Variants in ASS1 observed in about 807,000 individuals in gnomAD.
ASS1 encodes argininosuccinate synthase.
ASS1 carries 58 observed loss-of-function variants against 60.5 expected under a neutral mutation model. The ratio of observed to expected loss-of-function variants is 0.96; its 90% CI spans 0.78 to 1.19. ASS1 has a LOEUF of 1.19. Among genes scored for constraint, ASS1 ranks in the 50% most tolerant of loss-of-function variants. The pLI is 0.00. For missense variants in ASS1, 454 were observed against 547.3 expected (o/e 0.83, Z 1.70); for synonymous variants, 200 against 206.9 (o/e 0.97, Z 0.29).
intron 6 of ASS1, among the ~76,000 whole-genome samples, chr9:130,467,570 C>A (rs369996627): frequency 6.6e-6 from 1 of 152,236 alleles, no homozygotes; most frequent in Admixed American, 6.5e-5. Flanking sequence ...CGCAGCCCTG[C>A]CCCCGCCGCC....
Position 130,477,033 on chromosome 9 carries a change from G to C in ASS1, c.688+72G>C, listed in dbSNP as rs1462445924. On this transcript the variant is annotated intron_variant, in intron 9 of 14. Coordinates refer to ENST00000352480, the MANE Select transcript of ASS1 (RefSeq NM_054012.4). This position sits in a 1 kb window ranked among gnomAD's most constrained non-coding sequence, Gnocchi z 4.2. The stretch of plus-strand genomic sequence containing the variant: ...CCTGGCTCCTTTCCCCTCCCTGCCT[G>C]GGAACCTAGGCCCTCTTTACCCCCG... 6.8e-7 allele frequency: 1 copy of C among 1,471,668 alleles called. No homozygotes were observed. The highest frequency in any genetic ancestry group is 9.5e-7 in the Non-Finnish European group (1 of 1,052,866). 91.2% of individuals were successfully genotyped at this position (1,471,668 alleles called of 1,614,324 possible).
chr9:130,498,961 T>C (rs1846670733), intron 13 of ASS1, among the ~76,000 whole-genome samples: 1 of 152,110 alleles, frequency 6.6e-6, no homozygotes. Flanking sequence ...GTGCCCAGGT[T>C]TCAGGATGGA....
chr9:130,499,641 G>A lies in ASS1; in HGVS notation c.1193+71G>A, dbSNP rs1205784870. On this transcript the variant is annotated intron_variant, in intron 14 of 14. Coordinates refer to ENST00000352480, the MANE Select transcript of ASS1 (RefSeq NM_054012.4). ...AAAGGGTAGGCTTTGAGAGCCCCCA[G>A]GTGTAAAGGGTAGGCTTTGATGCGA... 4 of 1,476,324 alleles carry A rather than the reference G, an allele frequency of 2.7e-6. No homozygotes were observed. The East Asian group carries it at 9.2e-5, about 34-fold the overall frequency. The allele number at this position is 1,476,324 out of a possible 1,614,324, so 91.5% of individuals were successfully genotyped here.
At chr9:130,460,148 G>A (rs1254722326) in intron 4 of ASS1, among the ~76,000 whole-genome samples, 6 of 152,232 alleles carry the variant, frequency 3.9e-5, no homozygotes, top group Non-Finnish European at 4.4e-5. Flanking sequence ...GGGTGCTGAT[G>A]GTGGGAAGTC....
In ASS1 at chr9:130,481,984, G is replaced by A. The variant is rs565802715; in HGVS notation, c.838+1535G>A. ...TCGCAGCCTGCCCTTGGGAGCCAGC[G>A]CGGTGTGCACCCTCCAGGGAGAGCT... On this transcript the variant is annotated intron_variant, in intron 11 of 14. Transcript: ENST00000352480. Among the ~76,000 whole-genome samples, 29 of 152,284 alleles carry A rather than the reference G, an allele frequency of 1.9e-4. No individual in the cohort carries two copies. In the South Asian group the frequency reaches 3.7e-3, roughly 20 times the overall value.
chr9:130,468,671 A>C (rs1305000102), intron 6 of ASS1, among the ~76,000 whole-genome samples: 3 of 152,258 alleles, frequency 2.0e-5, no homozygotes, highest in African/African-American at 7.2e-5. Flanking sequence ...AACTCAAGTA[A>C]TCCACCCTCC....
rs1845519950 is a variant in ASS1 at position 130,459,004 on chromosome 9, AG to A, written c.363+418del. ...GCTGGCTTGCCGTGTGTCCTCAGCCAGGGCCCTTCTCCCCTTCCTGAACCTC... is the reference window on the plus strand; with the variant it reads ...GCTGGCTTGCCGTGTGTCCTCAGCCAGGCCCTTCTCCCCTTCCTGAACCTC... On this transcript the variant is annotated intron_variant, in intron 4 of 14. Transcript: ENST00000352480. This position sits in a 1 kb window ranked among gnomAD's most constrained non-coding sequence, Gnocchi z 4.6. Among the ~76,000 whole-genome samples the A allele has an allele frequency of 6.6e-6, 1 of 152,254 alleles. No homozygotes were observed. The highest frequency in any genetic ancestry group is 1.5e-5 in the Non-Finnish European group (1 of 68,038).
chr9:130,464,232 G>T lies in ASS1; in HGVS notation c.420+65G>T, dbSNP rs993412131. On this transcript the variant is annotated intron_variant, in intron 5 of 14. Coordinates refer to ENST00000352480, the MANE Select transcript of ASS1 (RefSeq NM_054012.4). ...TCTGCAGCACCTGATGGGGAGGAGG[G>T]CACAGGGTTCTGGGAGATTCCACAG... The T allele has an allele frequency of 3.2e-6, 5 of 1,564,836 alleles. No homozygotes were observed. The African/African-American group carries it at 6.8e-5, about 21-fold the overall frequency.
chr9:130,452,262 A>AGTG lies in ASS1; in HGVS notation c.36_38dup (p.Gly14dup). 1 of 1,614,168 alleles carries AGTG rather than the reference A, an allele frequency of 6.2e-7. No homozygotes were observed. Among genetic ancestry groups the AGTG allele is most frequent in the Non-Finnish European group, 8.5e-7 (1 of 1,180,010 alleles). ...CAAAGGCTCCGTGGTTCTGGCCTAC[A>AGTG]GTGGCGGCCTGGACACCTCGTGCAT... On this transcript the variant is annotated inframe_insertion, in exon 2 of 15. Transcript: ENST00000352480.
At chr9:130,448,043 C>A (rs993774299) in intron 1 of ASS1, among the ~76,000 whole-genome samples, 10 of 151,798 alleles carry the variant, frequency 6.6e-5, no homozygotes, top group Non-Finnish European at 1.0e-4. Flanking sequence ...CTGTCCTGTG[C>A]CTGGAGTGAG....
chr9:130,467,425 A>C (rs1363709451), intron 6 of ASS1, among the ~76,000 whole-genome samples: 1 of 152,140 alleles, frequency 6.6e-6, no homozygotes, highest in African/African-American at 2.4e-5. Flanking sequence ...AAACAGCCTC[A>C]ATCAATCAGG....
intron 4 of ASS1, among the ~76,000 whole-genome samples, chr9:130,463,211 C>T (rs1235475633): frequency 2.0e-5 from 3 of 152,384 alleles, no homozygotes; most frequent in South Asian, 2.1e-4. Context: ...GTCATTTCCA[C>T]AGCGCTTAAG....
chr9:130,448,418 G>GCA (rs1228997812), intron 1 of ASS1, among the ~76,000 whole-genome samples: 17 of 56,674 alleles, frequency 3.0e-4, no homozygotes, highest in African/African-American at 9.2e-4. Flanking sequence ...AGGTGTGTGC[G>GCA]CGCGCACACA....
At position 130,452,271 on chromosome 9, in the gene ASS1, C is replaced by G. The variant is rs1845345480; in HGVS notation, c.43C>G (p.Leu15Val). ...GSVVLAYSGGLDTSCILVWLK... is the reference protein window; with the variant it reads ...GSVVLAYSGGVDTSCILVWLK... ...CGTGGTTCTGGCCTACAGTGGCGGC[C>G]TGGACACCTCGTGCATCCTCGTGTG... Residue 15 changes from leucine to valine, a missense_variant, in exon 2 of 15, where the codon CTG (leucine) becomes GTG (valine). Physicochemically the swap from Leu to Val is conservative, Grantham distance 32. Transcript: ENST00000352480. 6.2e-7 allele frequency: 1 copy of G among 1,614,068 alleles called. No homozygotes were observed. Among genetic ancestry groups the G allele is most frequent in the Admixed American group, 1.7e-5 (1 of 60,010 alleles).
At chr9:130,474,048 C>T (rs541239074) in intron 8 of ASS1, among the ~76,000 whole-genome samples, 1 of 50,928 alleles carries the variant, frequency 2.0e-5, no homozygotes, top group East Asian at 6.2e-4. Flanking sequence ...TCTTCACTCT[C>T]TTCCCTCCCC....
intron 12 of ASS1, among the ~76,000 whole-genome samples, chr9:130,490,795 A>G (rs1188920746): frequency 1.3e-5 from 2 of 152,188 alleles, no homozygotes; most frequent in South Asian, 2.1e-4. Flanking sequence ...GAGAGAGACC[A>G]TAGGACCCAA....
chr9:130,449,363 A>G (rs900911377), intron 1 of ASS1, among the ~76,000 whole-genome samples: 4 of 140,426 alleles, frequency 2.8e-5, no homozygotes, highest in Admixed American at 1.5e-4. Context: ...AAAAAAAAAA[A>G]GGATACAGCT....
chr9:130,483,755 C>T lies in ASS1; in HGVS notation c.838+3306C>T, dbSNP rs930141052. On this transcript the variant is annotated intron_variant, in intron 11 of 14. Coordinates refer to ENST00000352480, the MANE Select transcript of ASS1 (RefSeq NM_054012.4). ...GCCCCCGCCTTGCTCCTCCTCCTTG[C>T]CTTCCTTTCCTCCTCCCTCTCTCCC... Among the ~76,000 whole-genome samples, 280 of 46,232 alleles carry T rather than the reference C, an allele frequency of 6.1e-3. 1 individual carries two copies. The highest frequency in any genetic ancestry group is 0.033 in the African/African-American group (271 of 8,154). 30.3% of individuals were successfully genotyped at this position (46,232 alleles called of 152,430 possible).
rs946716091 is a variant in ASS1, at chr9:130,491,256, G to A, written c.970+1792G>A. On this transcript the variant is annotated intron_variant, in intron 12 of 14. Transcript: ENST00000352480. The surrounding 1 kb of genome is among the most constrained non-coding windows in gnomAD (Gnocchi z 5.3). ...TCCAGCCCGGCGGGATTGCGACCCC[G>A]AAAGGAGGATTTTAGTTACAAAGTG... Among the ~76,000 whole-genome samples the A allele has an allele frequency of 1.3e-5, 2 of 152,128 alleles. No homozygotes were observed. The highest frequency in any genetic ancestry group is 2.9e-5 in the Non-Finnish European group (2 of 68,020).
Sources: allele counts gnomAD v4.1 joint callset (sites outside exome capture counted in the v4.1 genomes callset), GRCh38; gene constraint gnomAD v4.1.1; non-coding constraint Gnocchi (gnomAD v3.1); transcripts MANE v1.5; gene names NCBI Gene and HGNC (gene_info 2026-07-23, HGNC 2026-07-21).